ETV1: variants seen among roughly 807,000 people sequenced by gnomAD.
ETV1 encodes the protein ETS translocation variant 1.
ETV1 carries 27 observed loss-of-function variants against 62.3 expected under a neutral mutation model. The observed-to-expected ratio is 0.43, with a 90% CI of 0.32 to 0.60. The LOEUF (loss-of-function observed/expected upper bound fraction) is 0.60. ETV1 is among the 20% of genes least tolerant of loss of function. ETV1 has a pLI of 0.06. For missense variants in ETV1, 605 were observed against 605.8 expected (o/e 1.00, Z 0.01); for synonymous variants, 222 against 199.6 (o/e 1.11, Z -0.94).
At chr7:13,921,250 CAT>C (rs1300372998) in intron 9 of ETV1, among the ~76,000 whole-genome samples, 1 of 152,096 alleles carries the variant, frequency 6.6e-6, no homozygotes, top group Admixed American at 6.6e-5. Context: ...GGAAGTGTTA[CAT>C]ATCAAGCACA....
intron 12 of ETV1, among the ~76,000 whole-genome samples, chr7:13,904,138 T>G (rs763175008): frequency 6.6e-6 from 1 of 152,160 alleles, no homozygotes; most frequent in African/African-American, 2.4e-5. Flanking sequence ...AGAAGAAATT[T>G]AAACAAGACC....
chr7:13,982,106 T>G (rs1782043966), intron 5 of ETV1, among the ~76,000 whole-genome samples: 1 of 152,132 alleles, frequency 6.6e-6, no homozygotes, highest in Admixed American at 6.6e-5. Context: ...TCTATATTCT[T>G]ACTGTAACAG....
At chr7:13,918,910 C>T (rs111515018) in intron 9 of ETV1, among the ~76,000 whole-genome samples, 212 of 149,686 alleles carry the variant, frequency 1.4e-3, no homozygotes, top group African/African-American at 4.9e-3. Flanking sequence ...AAGACTGTTT[C>T]TCTTGCTGGA....
At chr7:13,900,929 AC>A in intron 12 of ETV1, 90 bp from the exon 13 acceptor site, 1 of 813,002 alleles carries the variant, frequency 1.2e-6, no homozygotes, top group South Asian at 2.0e-5. Flanking sequence ...TTCCAAACCC[AC>A]AAAAATGTCC....
At chr7:13,960,363 A>G (rs1297317021) in intron 6 of ETV1, among the ~76,000 whole-genome samples, 6 of 152,182 alleles carry the variant, frequency 3.9e-5, no homozygotes, top group Non-Finnish European at 2.9e-5. Flanking sequence ...AATTAAGTAG[A>G]TATTGATACT....
chr7:13,924,630 A>C (rs1785205633), intron 9 of ETV1, among the ~76,000 whole-genome samples: 1 of 152,192 alleles, frequency 6.6e-6, no homozygotes, highest in Non-Finnish European at 1.5e-5. Context: ...AACCATACAA[A>C]AACACTCAGT....
At chr7:13,985,406 T>G (rs2128511894) in intron 5 of ETV1, 1 of 152,280 alleles carries the variant, frequency 6.6e-6, no homozygotes, top group East Asian at 1.9e-4. Context: ...TTAGGAAAGC[T>G]ATTTAACTTT....
intron 6 of ETV1, among the ~76,000 whole-genome samples, chr7:13,942,101 G>T (rs1787609971): frequency 7.1e-6 from 1 of 141,840 alleles, no homozygotes; most frequent in African/African-American, 2.7e-5. Flanking sequence ...TCGGCTCACT[G>T]CAAGCTCCAC....
chr7:13,896,502 T>C (rs1781790308), intron 13 of ETV1, among the ~76,000 whole-genome samples: 1 of 152,094 alleles, frequency 6.6e-6, no homozygotes, highest in African/African-American at 2.4e-5. Context: ...ACTGTCCCTC[T>C]TAATATTACA....
chr7:13,972,363 C>T (rs940732468), intron 6 of ETV1, among the ~76,000 whole-genome samples: 12 of 152,188 alleles, frequency 7.9e-5, no homozygotes, highest in Admixed American at 3.9e-4. Flanking sequence ...ACTAAGGAGG[C>T]AGAGTTTGCA....
At chr7:13,974,668 A>C (rs1781238966) in intron 6 of ETV1, among the ~76,000 whole-genome samples, 1 of 152,230 alleles carries the variant, frequency 6.6e-6, no homozygotes, top group Non-Finnish European at 1.5e-5. Flanking sequence ...CTTGGTTAGC[A>C]ATTTGAGGTT....
Position 13,906,541 on chromosome 7 carries a change from T to C in ETV1, c.999A>G (p.Gly333=). ...YREGPTYQRR[G]SLQLWQFLVA... Reference sequence around the variant, plus strand: ...CCAAAAACTGCCAGAGCTGAAGTGATCCTCGCCGTTGGTATGTGGGTCCTT... The same window carrying C: ...CCAAAAACTGCCAGAGCTGAAGTGACCCTCGCCGTTGGTATGTGGGTCCTT... Residue 333 remains glycine, a synonymous_variant, in exon 12 of 14, where the codon GGA becomes GGG. Transcript: ENST00000430479. 1 of 1,612,650 alleles carries C rather than the reference T, an allele frequency of 6.2e-7. No homozygotes were observed. The highest frequency in any genetic ancestry group is 8.5e-7 in the Non-Finnish European group (1 of 1,179,258).
At chr7:13,955,155 C>T (rs1789271169) in intron 6 of ETV1, among the ~76,000 whole-genome samples, 1 of 151,976 alleles carries the variant, frequency 6.6e-6, no homozygotes, top group South Asian at 2.1e-4. Flanking sequence ...AATTTTTACC[C>T]CAAAATAAAT....
chr7:13,985,597 C>G (rs1475505127), intron 5 of ETV1: 1 of 157,122 alleles, frequency 6.4e-6, no homozygotes, highest in Non-Finnish European at 1.4e-5. Flanking sequence ...GACCCACTCT[C>G]TCCTTTTTAA....
rs1345440813 is a variant in ETV1, at chr7:13,989,431, G to C, written c.-251C>G. On this transcript the variant is annotated 5_prime_UTR_variant, in exon 2 of 14. Transcript: ENST00000430479. ...GCAAACGTGTGCAAAACTAGCAATG[G>C]CGATCAACGAGACTTGCTTTGCACC... The C allele has an allele frequency of 2.3e-6, 1 of 428,390 alleles. No individual in the cohort carries two copies. Among genetic ancestry groups the C allele is most frequent in the Non-Finnish European group, 4.1e-6 (1 of 244,854 alleles). The allele number at this position is 428,390 out of a possible 1,614,324, so 26.5% of individuals were successfully genotyped here. A position where few individuals can be genotyped will look rare whatever the true frequency, so the allele number is the denominator to read the frequency against.
At chr7:13,897,936 C>T (rs185016366) in intron 13 of ETV1, among the ~76,000 whole-genome samples, 260 of 152,196 alleles carry the variant, frequency 1.7e-3, no homozygotes, top group African/African-American at 6.0e-3. Flanking sequence ...CTTCCTTTGA[C>T]GGGTTGCTAC....
At chr7:13,953,452 A>G (rs1252120119) in intron 6 of ETV1, among the ~76,000 whole-genome samples, 3 of 152,182 alleles carry the variant, frequency 2.0e-5, no homozygotes, top group African/African-American at 7.2e-5. Flanking sequence ...TGTTTCAAAT[A>G]ATGGACAATA....
intron 6 of ETV1, among the ~76,000 whole-genome samples, chr7:13,971,980 C>T (rs962032382): frequency 1.3e-5 from 2 of 152,044 alleles, no homozygotes; most frequent in East Asian, 1.9e-4. Flanking sequence ...GGCATGGTAG[C>T]GCATGCCTGT....
rs1323464032 is a variant in ETV1, at chr7:13,895,975, A to C, written c.1325T>G (p.Ile442Ser). ...AAGAGGCACTGTGTCCTCCTCGTTG[A>C]TGTGACGTTCCATGTCTGTCTTCAG... ...PLLKTDMERH[I>S]NEEDTVPLSH... Residue 442 changes from isoleucine (I) to serine (S), a missense_variant, in exon 14 of 14, where the codon ATC (isoleucine) becomes AGC (serine). Ile to Ser is a moderately radical substitution (Grantham distance 142). Around this residue, in one of 3 missense-constraint regions of ETV1, gnomAD observed 79 missense variants for 71.6 expected, o/e 1.10. Coordinates refer to ENST00000430479, the MANE Select transcript of ETV1 (RefSeq NM_004956.5). The C allele has an allele frequency of 6.2e-7, 1 of 1,613,706 alleles. No individual in the cohort carries two copies. The highest frequency in any genetic ancestry group is 1.7e-5 in the Admixed American group (1 of 59,974).
Sources: gnomAD v4.1 joint callset for allele counts (sites outside exome capture counted in the v4.1 genomes callset) on GRCh38, gnomAD v4.1.1 for gene constraint, gnomAD v4.1.1 regional missense constraint, MANE v1.5 for transcripts, NCBI Gene and HGNC (gene_info 2026-07-23, HGNC 2026-07-21) for gene names.